EFHD1: variants seen among roughly 807,000 people sequenced by gnomAD.
The protein encoded by EFHD1 is EF-hand domain-containing protein D1.
EFHD1 carries 10 observed loss-of-function variants against 17.2 expected under a neutral mutation model. That is an observed-to-expected ratio of 0.58 (90% CI 0.36 to 0.99). EFHD1 has a LOEUF of 0.99. Among genes scored for constraint, EFHD1 ranks in the 50% least tolerant of loss-of-function variants. The pLI is 0.01. For synonymous variants in EFHD1, 153 were observed against 142.0 expected, an observed-to-expected ratio of 1.08 and a Z score of -0.55; for missense variants, 310 against 327.5, an observed-to-expected ratio of 0.95 and a Z score of 0.41.
At chr2:232,611,058 G>A (rs972846961) in intron 1 of EFHD1, among the ~76,000 whole-genome samples, 4 of 152,026 alleles carry the variant, frequency 2.6e-5, no homozygotes, top group South Asian at 2.1e-4. Flanking sequence ...TGCACCCATC[G>A]TCCTAGATAC....
At chr2:232,634,580 A>AG (rs978094437) in intron 1 of EFHD1, among the ~76,000 whole-genome samples, 12 of 151,368 alleles carry the variant, frequency 7.9e-5, no homozygotes, top group Non-Finnish European at 1.2e-4. Flanking sequence ...GGGCGCGGGG[A>AG]GGGGGGGCGG....
At chr2:232,663,362 A>C (rs538641375) in intron 2 of EFHD1, among the ~76,000 whole-genome samples, 11 of 151,824 alleles carry the variant, frequency 7.2e-5, no homozygotes, top group Non-Finnish European at 1.6e-4. Context: ...GACATGTGAT[A>C]TATTTTATTT....
At chr2:232,627,034 C>CTATATA in intron 1 of EFHD1, among the ~76,000 whole-genome samples, 1 of 64,172 alleles carries the variant, frequency 1.6e-5, no homozygotes, top group Non-Finnish European at 3.1e-5. Context: ...CTCTCTCTCT[C>CTATATA]TCTATATATA....
intron 1 of EFHD1, among the ~76,000 whole-genome samples, chr2:232,617,476 C>T (rs113591438): frequency 0.044 from 6,390 of 144,178 alleles, 146 homozygotes; most frequent in South Asian, 0.083. Flanking sequence ...GGCGAAACCC[C>T]GTCTTTACTA....
intron 1 of EFHD1, among the ~76,000 whole-genome samples, chr2:232,639,405 G>C (rs1002452681): frequency 2.6e-5 from 4 of 151,274 alleles, no homozygotes; most frequent in African/African-American, 4.9e-5. Flanking sequence ...ATGTTGCCTA[G>C]GCTGGTCTTG....
intron 1 of EFHD1, among the ~76,000 whole-genome samples, chr2:232,660,264 G>A (rs1296325405): frequency 2.6e-5 from 4 of 151,400 alleles, no homozygotes; most frequent in South Asian, 2.1e-4. Context: ...GCACGACCTC[G>A]GCTTACTGCA....
chr2:232,630,947 C>T (rs1394452751), upstream of EFHD1, among the ~76,000 whole-genome samples: 1 of 151,900 alleles, frequency 6.6e-6, no homozygotes, highest in Non-Finnish European at 1.5e-5. Context: ...TATTACTGGC[C>T]GGGCACAGTA....
intron 3 of EFHD1, among the ~76,000 whole-genome samples, chr2:232,673,227 A>G (rs1387629334): frequency 1.3e-5 from 2 of 152,204 alleles, no homozygotes; most frequent in African/African-American, 4.8e-5. Context: ...GAGGGTAGAG[A>G]GGAGGGAAGG....
chr2:232,681,450 G>A (rs1280916583), intron 3 of EFHD1, 135 bp from the exon 4 acceptor site: 22 of 1,278,034 alleles, frequency 1.7e-5, no homozygotes, highest in Admixed American at 4.8e-5. Context: ...AGTGCTTGCT[G>A]GGGTCCTGCC....
In EFHD1 at chr2:232,672,257, A is replaced by G. The variant is rs1695084891; in HGVS notation, c.451-52A>G. ...TTCAGCTTGGACCAGAGGGCTGGTT[A>G]TGAATCTGTCAGTGAGACTGACTCT... On this transcript the variant is annotated intron_variant, in intron 2 of 3. Transcript: ENST00000264059. The G allele has an allele frequency of 5.0e-6, 8 of 1,613,374 alleles. No individual in the cohort carries two copies. The South Asian group carries it at 6.6e-5, about 13-fold the overall frequency.
intron 1 of EFHD1, chr2:232,606,759 G>C (rs942715129): frequency 2.0e-5 from 3 of 152,004 alleles, no homozygotes; most frequent in African/African-American, 4.9e-5. Context: ...GCGTGGTGGC[G>C]GGCGCCTGTG....
chr2:232,616,429 G>C (rs1442550209), intron 1 of EFHD1, among the ~76,000 whole-genome samples: 1 of 152,098 alleles, frequency 6.6e-6, no homozygotes, highest in Non-Finnish European at 1.5e-5. Flanking sequence ...CTCCTGAGTA[G>C]CTGGGATTAC....
intron 2 of EFHD1, among the ~76,000 whole-genome samples, chr2:232,671,963 A>T (rs1695077034): frequency 6.7e-6 from 1 of 150,128 alleles, no homozygotes; most frequent in South Asian, 2.1e-4. Flanking sequence ...AGGCTGAGAC[A>T]TGAGAATCGC....
chr2:232,640,578 T>G (rs1360929455), intron 1 of EFHD1, among the ~76,000 whole-genome samples: 4 of 152,148 alleles, frequency 2.6e-5, no homozygotes, highest in African/African-American at 9.7e-5. Flanking sequence ...TTATATATAC[T>G]TGTATAATCT....
At chr2:232,669,601 G>T (rs970196488) in intron 2 of EFHD1, among the ~76,000 whole-genome samples, 5 of 132,656 alleles carry the variant, frequency 3.8e-5, no homozygotes, top group African/African-American at 1.3e-4. Context: ...TTTTGAGAAG[G>T]CTTTTTTTTT....
At chr2:232,635,689 C>T (rs190185837) in intron 1 of EFHD1, among the ~76,000 whole-genome samples, 39 of 152,180 alleles carry the variant, frequency 2.6e-4, no homozygotes, top group African/African-American at 8.4e-4. Flanking sequence ...AGTGGTGGCG[C>T]GGGCCTGTAG....
chr2:232,619,102 G>C (rs895717321), intron 1 of EFHD1, among the ~76,000 whole-genome samples: 3 of 150,846 alleles, frequency 2.0e-5, no homozygotes, highest in Non-Finnish European at 3.0e-5. Context: ...GCAGTGAGCC[G>C]AGATCGCGCC....
intron 1 of EFHD1, among the ~76,000 whole-genome samples, chr2:232,654,224 AAAAG>A (rs201795192): frequency 0.018 from 2,650 of 149,862 alleles, 38 homozygotes; most frequent in Non-Finnish European, 0.03. Flanking sequence ...AAAAAAAAAG[AAAAG>A]AAAGAAGTTG....
At chr2:232,653,664 A>T (rs1256950960) in intron 1 of EFHD1, among the ~76,000 whole-genome samples, 3 of 152,212 alleles carry the variant, frequency 2.0e-5, no homozygotes, top group Admixed American at 1.3e-4. Context: ...AACAAAAGAA[A>T]GCAGCCCTGA....
Sources: gnomAD v4.1 joint callset for allele counts (sites outside exome capture counted in the v4.1 genomes callset) on GRCh38, gnomAD v4.1.1 for gene constraint, MANE v1.5 for transcripts, NCBI Gene and HGNC (gene_info 2026-07-23, HGNC 2026-07-21) for gene names.